Variants in MAML3 observed in about 807,000 individuals in gnomAD.
MAML3 encodes the protein mastermind-like protein 3.
Under a neutral mutation model 101.9 loss-of-function variants are expected in MAML3, and 27 were observed. The observed-to-expected ratio is 0.27, with a 90% CI of 0.20 to 0.37. MAML3 has a LOEUF of 0.37. Among genes scored for constraint, MAML3 ranks in the 10% least tolerant of loss-of-function variants. MAML3 has a pLI of 1.00. For synonymous variants in MAML3, 501 were observed against 555.9 expected (o/e 0.90, Z 1.39); for missense variants, 1,316 against 1,444.9 (o/e 0.91, Z 1.45).
chr4:140,151,683 C>T (rs1442452869), intron 1 of MAML3, among the ~76,000 whole-genome samples: 2 of 74,980 alleles, frequency 2.7e-5, no homozygotes, highest in Non-Finnish European at 5.4e-5. Flanking sequence ...ACCCGGGCGG[C>T]GCGGTGCGGG....
chr4:140,009,914 G>A (rs1000658124), intron 1 of MAML3, among the ~76,000 whole-genome samples: 2 of 152,170 alleles, frequency 1.3e-5, no homozygotes, highest in Non-Finnish European at 2.9e-5. Context: ...TTCTAGGACT[G>A]GGCTTACCAC....
chr4:139,880,034 G>T (rs773048551), intron 2 of MAML3, among the ~76,000 whole-genome samples: 2 of 152,026 alleles, frequency 1.3e-5, no homozygotes, highest in Non-Finnish European at 2.9e-5. Flanking sequence ...TTGGCTGGGC[G>T]TGGCGGCCTG....
At chr4:139,857,347 T>C (rs1484432529) in intron 2 of MAML3, among the ~76,000 whole-genome samples, 2 of 152,130 alleles carry the variant, frequency 1.3e-5, no homozygotes, top group African/African-American at 4.8e-5. Context: ...CTCCAGAACA[T>C]GATAGAGGTC....
intron 2 of MAML3, among the ~76,000 whole-genome samples, chr4:139,837,996 G>A (rs903029893): frequency 4.6e-5 from 7 of 151,978 alleles, no homozygotes; most frequent in Non-Finnish European, 1.0e-4. Flanking sequence ...GTAAATAAGA[G>A]TCATTCTGTA....
At chr4:139,981,749 G>T (rs1156664973) in intron 1 of MAML3, among the ~76,000 whole-genome samples, 1 of 152,110 alleles carries the variant, frequency 6.6e-6, no homozygotes, top group African/African-American at 2.4e-5. Flanking sequence ...GTTTGGAGAG[G>T]ATGGGCCAGC....
intron 1 of MAML3, among the ~76,000 whole-genome samples, chr4:140,032,294 A>G (rs1160763814): frequency 6.6e-6 from 1 of 152,224 alleles, no homozygotes; most frequent in Non-Finnish European, 1.5e-5. Context: ...AGTTAGTGAT[A>G]AAATTCAGGC....
intron 1 of MAML3, among the ~76,000 whole-genome samples, chr4:140,067,305 T>C (rs1323422166): frequency 6.6e-6 from 1 of 152,156 alleles, no homozygotes; most frequent in African/African-American, 2.4e-5. Context: ...GGATTTAATT[T>C]ACTCTACTGC....
chr4:139,979,989 C>T (rs1406454976), intron 1 of MAML3, among the ~76,000 whole-genome samples: 1 of 152,174 alleles, frequency 6.6e-6, no homozygotes, highest in Non-Finnish European at 1.5e-5. Context: ...AGTCTCAGGG[C>T]TTGACTGAGC....
At chr4:139,937,045 T>C (rs1158974594) in intron 1 of MAML3, among the ~76,000 whole-genome samples, 1 of 152,230 alleles carries the variant, frequency 6.6e-6, no homozygotes, top group African/African-American at 2.4e-5. Flanking sequence ...AAACATCTGC[T>C]AATTTTTACT....
At chr4:139,778,096 A>G (rs1730124853) in intron 2 of MAML3, among the ~76,000 whole-genome samples, 1 of 152,244 alleles carries the variant, frequency 6.6e-6, no homozygotes, top group Admixed American at 6.5e-5. Flanking sequence ...GGTATTCTCA[A>G]GCCTTGGACA....
chr4:139,849,395 A>G (rs1035337315), intron 2 of MAML3, among the ~76,000 whole-genome samples: 4 of 152,206 alleles, frequency 2.6e-5, no homozygotes, highest in African/African-American at 7.2e-5. Context: ...AAAGGATTAG[A>G]GCAAATAACT....
At chr4:139,953,716 T>C (rs1480826843) in intron 1 of MAML3, among the ~76,000 whole-genome samples, 5 of 152,248 alleles carry the variant, frequency 3.3e-5, no homozygotes, top group Non-Finnish European at 5.9e-5. Context: ...AGGGCCTTTT[T>C]CGAAACCAGT....
At chr4:139,996,016 TCTAA>T (rs909707016) in intron 1 of MAML3, among the ~76,000 whole-genome samples, 1 of 152,148 alleles carries the variant, frequency 6.6e-6, no homozygotes, top group East Asian at 1.9e-4. Context: ...CAAAATATTA[TCTAA>T]CTTTTTCTTT....
At chr4:139,825,961 C>T (rs1163531337) in intron 2 of MAML3, among the ~76,000 whole-genome samples, 1 of 152,010 alleles carries the variant, frequency 6.6e-6, no homozygotes, top group East Asian at 1.9e-4. Context: ...CATTTGTAAC[C>T]CGGGGTCGGG....
At chr4:139,861,599 T>C (rs149470494) in intron 2 of MAML3, among the ~76,000 whole-genome samples, 1 of 152,000 alleles carries the variant, frequency 6.6e-6, no homozygotes, top group East Asian at 1.9e-4. Flanking sequence ...GAGGTTTAGT[T>C]AATAGCCTGA....
At chr4:139,821,236 T>C (rs577856142) in intron 2 of MAML3, among the ~76,000 whole-genome samples, 26 of 152,168 alleles carry the variant, frequency 1.7e-4, no homozygotes, top group Non-Finnish European at 3.2e-4. Context: ...AATCCCCGGA[T>C]CATGGACTGC....
At chr4:139,807,062 A>T (rs1730714407) in intron 2 of MAML3, among the ~76,000 whole-genome samples, 1 of 152,232 alleles carries the variant, frequency 6.6e-6, no homozygotes, top group South Asian at 2.1e-4. Context: ...CACCACAATA[A>T]TTTAAAGAGA....
intron 1 of MAML3, chr4:140,133,110 T>C (rs1178925289): frequency 6.7e-6 from 3 of 446,036 alleles, no homozygotes; most frequent in Non-Finnish European, 1.4e-5. Flanking sequence ...TTACATGCCA[T>C]ATACATGGTA....
intron 1 of MAML3, among the ~76,000 whole-genome samples, chr4:139,987,872 A>T (rs1287347189): frequency 1.3e-5 from 2 of 151,580 alleles, no homozygotes; most frequent in African/African-American, 4.9e-5. Flanking sequence ...ATACAAAAAA[A>T]TTAGCCAGGC....
Sources: gnomAD v4.1 joint callset for allele counts (sites outside exome capture counted in the v4.1 genomes callset) on GRCh38, gnomAD v4.1.1 for gene constraint, MANE v1.5 for transcripts, NCBI Gene and HGNC (gene_info 2026-07-23, HGNC 2026-07-21) for gene names.